The following DLC1 variants were observed in gnomAD, a reference collection of about 807,000 sequenced individuals.
DLC1 encodes the protein rho GTPase-activating protein 7.
A neutral mutation model predicts 140.3 loss-of-function variants in DLC1; 54 were observed. The observed-to-expected ratio is 0.38, with a 90% CI of 0.31 to 0.48. The LOEUF is 0.48. DLC1 is among the 20% of genes least tolerant of loss of function. The pLI, the probability that DLC1 is intolerant of heterozygous loss-of-function variation, is 0.96. For synonymous variants in DLC1, 986 were observed against 728.1 expected (o/e 1.35, Z -5.70); for missense variants, 2,536 against 1,907.0 (o/e 1.33, Z -6.14).
At chr8:13,185,592 C>T (rs1826325141) in intron 5 of DLC1, among the ~76,000 whole-genome samples, 1 of 152,120 alleles carries the variant, frequency 6.6e-6, no homozygotes. Context: ...CAGGTGTGAG[C>T]CATGGCGCCC....
At chr8:13,102,696 G>C (rs1819197084) in intron 8 of DLC1, 94 bp downstream of exon 8, 31 of 1,107,866 alleles carry the variant, frequency 2.8e-5, no homozygotes, top group Non-Finnish European at 4.3e-5. Context: ...AACAAACTAA[G>C]AGTTGGAGAA....
chr8:13,231,511 A>G (rs1032194407), intron 5 of DLC1, among the ~76,000 whole-genome samples: 3 of 152,248 alleles, frequency 2.0e-5, no homozygotes. Flanking sequence ...CCTAATTTAC[A>G]AAAGGAATAC....
intron 2 of DLC1, among the ~76,000 whole-genome samples, chr8:13,432,964 T>C (rs1167243497): frequency 7.0e-6 from 1 of 143,768 alleles, no homozygotes. Context: ...TTTTTTTTTT[T>C]TCCTTTTTCA....
chr8:13,121,479 T>G (rs896988190), intron 5 of DLC1, among the ~76,000 whole-genome samples: 1 of 152,144 alleles, frequency 6.6e-6, no homozygotes, highest in Non-Finnish European at 1.5e-5. Flanking sequence ...CCACAAATAC[T>G]TGTAGTAAGG....
intron 4 of DLC1, among the ~76,000 whole-genome samples, chr8:13,368,883 G>C (rs529158541): frequency 6.6e-6 from 1 of 152,278 alleles, no homozygotes; most frequent in South Asian, 2.1e-4. Flanking sequence ...GAGGGCAGCG[G>C]TGTGATCTTG....
Position 13,413,256 on chromosome 8 carries a change from A to ATTTTT in DLC1, c.1024-11642_1024-11638dup, listed in dbSNP as rs58038503. Among the ~76,000 whole-genome samples, 120 of 81,998 alleles carry ATTTTT rather than the reference A, an allele frequency of 1.5e-3. 14 individuals carry two copies. Among genetic ancestry groups the ATTTTT allele is most frequent in the African/African-American group, 4.5e-3 (89 of 19,866 alleles). The allele number at this position is 81,998 out of a possible 152,430, so 53.8% of individuals were successfully genotyped here. Reference sequence around the variant, plus strand: ...TAAAACATTATGAGATTTTTTTGCGATTTTTTTTTTTTTTTTTTTTTAGCT... The same window carrying ATTTTT: ...TAAAACATTATGAGATTTTTTTGCGATTTTTTTTTTTTTTTTTTTTTTTTTTAGCT... On this transcript the variant is annotated intron_variant, in intron 2 of 17. Transcript: ENST00000276297.
intron 9 of DLC1, among the ~76,000 whole-genome samples, chr8:13,098,961 G>C (rs1269335550): frequency 6.6e-6 from 1 of 152,076 alleles, no homozygotes; most frequent in Admixed American, 6.6e-5. Context: ...TGGGCTGCTT[G>C]CTGGCATCTT....
At chr8:13,134,943 C>G (rs1822438312) in intron 5 of DLC1, among the ~76,000 whole-genome samples, 1 of 152,116 alleles carries the variant, frequency 6.6e-6, no homozygotes, top group South Asian at 2.1e-4. Context: ...GGTGCAAAGG[C>G]TACAGCCTGG....
At chr8:13,314,988 T>C (rs1008146873) in intron 4 of DLC1, among the ~76,000 whole-genome samples, 1 of 152,218 alleles carries the variant, frequency 6.6e-6, no homozygotes, top group Non-Finnish European at 1.5e-5. Context: ...GGTTTTATTT[T>C]GGCTGAAAGT....
At chr8:13,235,287 G>T (rs1427472289) in intron 5 of DLC1, among the ~76,000 whole-genome samples, 2 of 152,040 alleles carry the variant, frequency 1.3e-5, no homozygotes, top group East Asian at 3.9e-4. Context: ...GACAACAGTG[G>T]TCTTTGTTTA....
chr8:13,552,087 A>G (rs1342158546), intron 1 of DLC1, among the ~76,000 whole-genome samples: 1 of 125,430 alleles, frequency 8.0e-6, no homozygotes, highest in Non-Finnish European at 1.6e-5. Context: ...CTCTCTATAT[A>G]TATGTATGTA....
intron 2 of DLC1, among the ~76,000 whole-genome samples, chr8:13,457,690 A>G (rs947451512): frequency 6.6e-6 from 1 of 151,010 alleles, no homozygotes; most frequent in African/African-American, 2.4e-5. Flanking sequence ...AAAAAAAAAA[A>G]AAAAAAAAAA....
chr8:13,499,503 C>T lies in DLC1; in HGVS notation c.569G>A (p.Ser190Asn), dbSNP rs766937292. The change falls in exon 2 of 18, where the codon AGC becomes AAC. Residue 190 changes from serine (S) to asparagine (N), a missense_variant. Coordinates refer to ENST00000276297, the MANE Select transcript of DLC1 (RefSeq NM_182643.3). ...GCTTATTTCATTGCAAAGCTCCAGGCTTTTACTTATAGAGTCAGTAACTTT... is the reference window on the plus strand; with the variant it reads ...GCTTATTTCATTGCAAAGCTCCAGGTTTTTACTTATAGAGTCAGTAACTTT... The part of the protein sequence containing the change: ...ERKVTDSISK[S>N]LELCNEISLS... The T allele has an allele frequency of 1.9e-6, 3 of 1,614,104 alleles. No individual in the cohort carries two copies. Among genetic ancestry groups the T allele is most frequent in the Middle Eastern group, 1.6e-4 (1 of 6,062 alleles).
At chr8:13,219,295 G>T (rs1231925688) in intron 5 of DLC1, among the ~76,000 whole-genome samples, 1 of 124,530 alleles carries the variant, frequency 8.0e-6, no homozygotes, top group Non-Finnish European at 1.7e-5. Context: ...TAATTATATA[G>T]TTATATTCTT....
At chr8:13,455,147 CT>C (rs1799326789) in intron 2 of DLC1, among the ~76,000 whole-genome samples, 1 of 152,014 alleles carries the variant, frequency 6.6e-6, no homozygotes, top group African/African-American at 2.4e-5. Flanking sequence ...CAAAATGATT[CT>C]TTTTTATTTA....
At chr8:13,578,988 G>T (rs1021254474) in intron 1 of DLC1, among the ~76,000 whole-genome samples, 1 of 151,556 alleles carries the variant, frequency 6.6e-6, no homozygotes, top group African/African-American at 2.4e-5. Flanking sequence ...GGTTCCTCTG[G>T]CAACCGGCTC....
intron 1 of DLC1, among the ~76,000 whole-genome samples, chr8:13,578,388 G>A (rs1471105039): frequency 6.6e-6 from 1 of 152,142 alleles, no homozygotes; most frequent in Non-Finnish European, 1.5e-5. Context: ...CACCATATGT[G>A]TGGGGTTTTC....
At chr8:13,237,566 C>T (rs1829345605) in intron 5 of DLC1, among the ~76,000 whole-genome samples, 1 of 152,018 alleles carries the variant, frequency 6.6e-6, no homozygotes, top group Non-Finnish European at 1.5e-5. Flanking sequence ...ATCACCCCAG[C>T]AATGTACAGT....
At position 13,352,696 on chromosome 8, in the gene DLC1, T is replaced by C. The variant is rs114447208; in HGVS notation, c.1314+40857A>G. On this transcript the variant is annotated intron_variant, in intron 4 of 17. Transcript: ENST00000276297. ...GACTCCTGAATTTACTTTTAAGGTA[T>C]AAAAATAATAGATTAACTCAGTCAT... 7.9e-3 allele frequency among the ~76,000 whole-genome samples: 1,202 copies of C among 152,298 alleles called. 14 individuals carry two copies. The highest frequency in any genetic ancestry group is 0.027 in the African/African-American group (1,140 of 41,558).
Sources: allele counts gnomAD v4.1 joint callset (sites outside exome capture counted in the v4.1 genomes callset), GRCh38; gene constraint gnomAD v4.1.1; transcripts MANE v1.5; gene names NCBI Gene and HGNC (gene_info 2026-07-23, HGNC 2026-07-21).